The following HPCAL1 variants were observed in gnomAD, a reference collection of about 807,000 sequenced individuals.
The protein encoded by HPCAL1 is hippocalcin like 1, also known as hippocalcin-like protein 1.
In HPCAL1, 8 loss-of-function variants were observed where a neutral mutation model predicts 17.1. The observed-to-expected ratio is 0.47, with a 90% CI of 0.27 to 0.84. The LOEUF (loss-of-function observed/expected upper bound fraction) is 0.84. Among genes scored for constraint, HPCAL1 ranks in the 40% least tolerant of loss-of-function variants. The pLI is 0.13. For synonymous variants in HPCAL1, 112 were observed against 111.4 expected (o/e 1.01, Z -0.03); for missense variants, 165 against 271.1 (o/e 0.61, Z 2.75).
intron 2 of HPCAL1, among the ~76,000 whole-genome samples, chr2:10,407,785 G>A (rs1558525718): frequency 6.6e-6 from 1 of 152,214 alleles, no homozygotes; most frequent in South Asian, 2.1e-4. Context: ...GCTGGAACAC[G>A]CTGAGCAGCT....
At chr2:10,328,385 A>G (rs1664144282) in intron 1 of HPCAL1, among the ~76,000 whole-genome samples, 1 of 152,232 alleles carries the variant, frequency 6.6e-6, no homozygotes, top group Non-Finnish European at 1.5e-5. Context: ...AGCCTGACTG[A>G]GCCAAGGGAT....
chr2:10,409,336 G>A (rs1317494665), intron 2 of HPCAL1, among the ~76,000 whole-genome samples: 1 of 152,188 alleles, frequency 6.6e-6, no homozygotes, highest in Non-Finnish European at 1.5e-5. Flanking sequence ...CAGCCTGGAT[G>A]GTCCCAGATG....
At chr2:10,426,533 A>T in intron 4 of HPCAL1, 191 bp from the exon 5 acceptor site, 1 of 586,614 alleles carries the variant, frequency 1.7e-6, no homozygotes, top group South Asian at 2.0e-5. Flanking sequence ...TGCAGGGAGC[A>T]GGGAAAGGAA....
At chr2:10,303,662 A>ACAG (rs1558442684) in intron 1 of HPCAL1, 10 of 152,374 alleles carry the variant, frequency 6.6e-5, no homozygotes, top group African/African-American at 2.4e-4. Flanking sequence ...GGCAGCCCTC[A>ACAG]GGGAACAGGT....
At chr2:10,421,218 T>C (rs192886009) in intron 3 of HPCAL1, among the ~76,000 whole-genome samples, 1 of 152,342 alleles carries the variant, frequency 6.6e-6, no homozygotes, top group East Asian at 1.9e-4. Flanking sequence ...GAGAATCAGC[T>C]CAGCACGGGA....
intron 2 of HPCAL1, among the ~76,000 whole-genome samples, chr2:10,402,878 G>A (rs1808315): frequency 0.31 from 46,792 of 151,936 alleles, 7,377 homozygotes; most frequent in South Asian, 0.46. Context: ...TGCAGCCTGC[G>A]CAAAACCCCA....
rs543442753 is a variant in HPCAL1, at chr2:10,344,725, G to T, written c.-111+41548G>T. ...TCTGTCTCTTTCTCTGTGTCTGTCT[G>T]TCTGTCTCTATGTGTCTGTTTCTCT... On this transcript the variant is annotated intron_variant, in intron 1 of 4. Coordinates refer to ENST00000307845, the MANE Select transcript of HPCAL1 (RefSeq NM_002149.4). The surrounding 1 kb of genome is among the most constrained non-coding windows in gnomAD (Gnocchi z 4.9). Among the ~76,000 whole-genome samples, 1 of 152,160 alleles carries T rather than the reference G, an allele frequency of 6.6e-6. No homozygotes were observed. The highest frequency in any genetic ancestry group is 6.5e-5 in the Admixed American group (1 of 15,280).
intron 1 of HPCAL1, among the ~76,000 whole-genome samples, chr2:10,382,971 T>A (rs1339162320): frequency 1.3e-5 from 2 of 152,182 alleles, no homozygotes; most frequent in Non-Finnish European, 2.9e-5. Flanking sequence ...TGCACCACTC[T>A]CCAGGGCAGT....
Position 10,375,343 on chromosome 2 carries a change from G to A in HPCAL1, c.-110-21492G>A, listed in dbSNP as rs374697074. 4.6e-5 allele frequency among the ~76,000 whole-genome samples: 7 copies of A among 152,202 alleles called. No homozygotes were observed. The East Asian group carries it at 1.3e-3, about 29-fold the overall frequency. ...ATTCACCAGGCAGGACAGGGCTGAT[G>A]AGGGAGCCCCTCCCACCTGGACACT... On this transcript the variant is annotated intron_variant, in intron 1 of 4. Transcript: ENST00000307845.
chr2:10,421,368 T>C (rs1671053101), intron 3 of HPCAL1, among the ~76,000 whole-genome samples: 1 of 152,196 alleles, frequency 6.6e-6, no homozygotes, highest in Non-Finnish European at 1.5e-5. Flanking sequence ...AGAGCAGAGC[T>C]GCCCCTCCCT....
intron 1 of HPCAL1, among the ~76,000 whole-genome samples, chr2:10,375,109 C>T (rs549298769): frequency 7.2e-5 from 11 of 152,128 alleles, no homozygotes; most frequent in African/African-American, 2.4e-4. Context: ...AGAAAAGAGG[C>T]GGGGAAGGGG....
chr2:10,338,190 G>A (rs1664834109), intron 1 of HPCAL1, among the ~76,000 whole-genome samples: 2 of 152,172 alleles, frequency 1.3e-5, no homozygotes, highest in Non-Finnish European at 2.9e-5. Flanking sequence ...GGAGGGATGG[G>A]AAGCGACTCC....
At chr2:10,325,747 C>T (rs560014980) in intron 1 of HPCAL1, among the ~76,000 whole-genome samples, 1 of 152,352 alleles carries the variant, frequency 6.6e-6, no homozygotes, top group East Asian at 1.9e-4. Flanking sequence ...TCTTAAACAT[C>T]TGCCTTCCTG....
intron 1 of HPCAL1, among the ~76,000 whole-genome samples, chr2:10,314,897 A>C (rs1298989483): frequency 6.6e-6 from 1 of 152,196 alleles, no homozygotes; most frequent in Non-Finnish European, 1.5e-5. Context: ...TAGATATTAG[A>C]TAGATTAGAT....
At chr2:10,408,809 G>C (rs1193060042) in intron 2 of HPCAL1, 1 of 152,264 alleles carries the variant, frequency 6.6e-6, no homozygotes, top group East Asian at 1.9e-4. Flanking sequence ...GATACCACAG[G>C]GTGCTAATGA....
At chr2:10,332,360 A>G (rs1012809958) in intron 1 of HPCAL1, among the ~76,000 whole-genome samples, 6 of 152,100 alleles carry the variant, frequency 3.9e-5, no homozygotes, top group African/African-American at 1.4e-4. Context: ...ATCTGCCCAC[A>G]GGTTTCCATT....
Position 10,410,534 on chromosome 2 carries a change from T to A in HPCAL1, c.-24-9200T>A, listed in dbSNP as rs560003146. On this transcript the variant is annotated intron_variant, in intron 2 of 4. Transcript: ENST00000307845. ...AGGTGGCTGTAAGTGACTCATTAACTCCCTCTCCCATGTTTCCATCACCGT... is the reference window on the plus strand; with the variant it reads ...AGGTGGCTGTAAGTGACTCATTAACACCCTCTCCCATGTTTCCATCACCGT... Among the ~76,000 whole-genome samples, 4 of 140,662 alleles carry A rather than the reference T, an allele frequency of 2.8e-5. No individual in the cohort carries two copies. The East Asian group carries it at 9.6e-4, about 34-fold the overall frequency. The allele number at this position is 140,662 out of a possible 152,430, so 92.3% of individuals were successfully genotyped here.
intron 4 of HPCAL1, 132 bp downstream of exon 4, chr2:10,423,220 G>T: frequency 1.5e-6 from 1 of 686,734 alleles, no homozygotes; most frequent in South Asian, 1.7e-5. Context: ...CCTGCCTGGC[G>T]CCTGCCATGC....
At chr2:10,333,380 T>G (rs891681434) in intron 1 of HPCAL1, among the ~76,000 whole-genome samples, 1 of 152,132 alleles carries the variant, frequency 6.6e-6, no homozygotes, top group Non-Finnish European at 1.5e-5. Context: ...CACAACTTCC[T>G]CCTTTCAGCA....
Sources: allele counts gnomAD v4.1 joint callset (sites outside exome capture counted in the v4.1 genomes callset), GRCh38; gene constraint gnomAD v4.1.1; non-coding constraint Gnocchi (gnomAD v3.1); transcripts MANE v1.5; gene names NCBI Gene and HGNC (gene_info 2026-07-23, HGNC 2026-07-21).